Variants in SH2D4A observed in about 807,000 individuals in gnomAD.
The protein encoded by SH2D4A is SH2 domain containing 4A, also known as SH2 domain-containing protein 4A.
SH2D4A carries 70 observed loss-of-function variants against 64.7 expected under a neutral mutation model. The observed-to-expected ratio is 1.08, with a 90% CI of 0.89 to 1.32. The LOEUF (loss-of-function observed/expected upper bound fraction) is 1.32, where lower values mean the gene tolerates loss of function less well. Ranked by LOEUF, SH2D4A falls within the 40% of genes most tolerant of loss-of-function variation. The pLI, the probability that SH2D4A is intolerant of heterozygous loss-of-function variation, is 0.00. For synonymous variants in SH2D4A, 268 were observed against 200.7 expected, an observed-to-expected ratio of 1.34 and a Z score of -2.83; for missense variants, 706 against 540.1, an observed-to-expected ratio of 1.31 and a Z score of -3.04.
At chr8:19,366,094 G>T (rs946004965) in intron 7 of SH2D4A, among the ~76,000 whole-genome samples, 5 of 152,106 alleles carry the variant, frequency 3.3e-5, no homozygotes, top group South Asian at 2.1e-4. Context: ...AGAACCATAA[G>T]TTGGTCAATT....
intron 4 of SH2D4A, among the ~76,000 whole-genome samples, chr8:19,341,844 CAAAA>C (rs35856719): frequency 2.4e-5 from 2 of 83,348 alleles, no homozygotes; most frequent in Non-Finnish European, 2.6e-5. Flanking sequence ...CTTGTCTTAA[CAAAA>C]AAAAAAAAAA....
intron 1 of SH2D4A, among the ~76,000 whole-genome samples, chr8:19,315,764 A>G (rs1249459658): frequency 6.6e-6 from 1 of 152,240 alleles, no homozygotes; most frequent in Non-Finnish European, 1.5e-5. Context: ...TTGAATCAGT[A>G]TCAGCAATGA....
chr8:19,321,611 C>G (rs1187013988), intron 2 of SH2D4A, among the ~76,000 whole-genome samples: 1 of 152,226 alleles, frequency 6.6e-6, no homozygotes, highest in African/African-American at 2.4e-5. Context: ...ATCCAAAATA[C>G]AACTTTTCCT....
chr8:19,348,095 G>T (rs577114140), intron 4 of SH2D4A, among the ~76,000 whole-genome samples: 1 of 151,962 alleles, frequency 6.6e-6, no homozygotes, highest in African/African-American at 2.4e-5. Flanking sequence ...TTTTGTGTGC[G>T]TGTGTGTGTG....
At chr8:19,326,737 G>A (rs1480922329) in intron 2 of SH2D4A, among the ~76,000 whole-genome samples, 1 of 152,092 alleles carries the variant, frequency 6.6e-6, no homozygotes. Context: ...GTCTTTTACT[G>A]TGATTGCCCA....
At chr8:19,367,868 G>GAGT (rs2053025930) in intron 7 of SH2D4A, among the ~76,000 whole-genome samples, 1 of 152,108 alleles carries the variant, frequency 6.6e-6, no homozygotes, top group Admixed American at 6.6e-5. Context: ...TTGAGGCCAG[G>GAGT]AGTTTGAGAG....
In SH2D4A at chr8:19,394,556, C is replaced by G; in HGVS notation, c.1279C>G (p.Pro427Ala). The change falls in exon 10 of 10, where the codon CCC (proline) becomes GCC (alanine). Residue 427 changes from proline (P) to alanine (A), a missense_variant. Pro to Ala is a conservative substitution (Grantham distance 27, BLOSUM62 -1). Coordinates refer to ENST00000265807, the MANE Select transcript of SH2D4A (RefSeq NM_022071.4). ...CGTGCCTTCTGATTGACAGGAGGAACCCATCACTTCCCTGGGGAAGGAGCT... is the reference window on the plus strand; with the variant it reads ...CGTGCCTTCTGATTGACAGGAGGAAGCCATCACTTCCCTGGGGAAGGAGCT... ...ADLVEYHKEE[P>A]ITSLGKELLL... is the part of the protein sequence containing the mutation. 1 of 1,604,548 alleles carries G rather than the reference C, an allele frequency of 6.2e-7. No homozygotes were observed. The highest frequency in any genetic ancestry group is 8.5e-7 in the Non-Finnish European group (1 of 1,174,516).
chr8:19,360,222 C>G (rs2052858680), intron 5 of SH2D4A, among the ~76,000 whole-genome samples: 1 of 151,718 alleles, frequency 6.6e-6, no homozygotes, highest in Admixed American at 6.6e-5. Flanking sequence ...ACCTAATTCT[C>G]CTTTTAAAGG....
At position 19,395,891 on chromosome 8, in the gene SH2D4A, G is replaced by A. The variant is rs531178868; in HGVS notation, c.*1249G>A. 3.9e-5 allele frequency: 6 copies of A among 152,196 alleles called. No individual in the cohort carries two copies. The East Asian group carries it at 9.7e-4, about 25-fold the overall frequency. The allele number at this position is 152,196 out of a possible 1,614,324, so 9.4% of individuals were successfully genotyped here. On this transcript the variant is annotated 3_prime_UTR_variant, in exon 10 of 10. Transcript: ENST00000265807. ...AGTCGTTTATGTAATTACATAACCTGACACACAAGATCGACCCATTCACTG... is the reference window on the plus strand; with the variant it reads ...AGTCGTTTATGTAATTACATAACCTAACACACAAGATCGACCCATTCACTG...
rs551445515 is a variant in SH2D4A, at chr8:19,383,023, G to T, written c.1048+9363G>T. ...ATCTTTGTCTTTTGACAATTTGATTGTATTATGTGTCAGTGTGGGTCTCTT... is the reference window on the plus strand; with the variant it reads ...ATCTTTGTCTTTTGACAATTTGATTTTATTATGTGTCAGTGTGGGTCTCTT... On this transcript the variant is annotated intron_variant, in intron 8 of 9. Coordinates refer to ENST00000265807, the MANE Select transcript of SH2D4A (RefSeq NM_022071.4). Among the ~76,000 whole-genome samples the T allele has an allele frequency of 2.0e-5, 3 of 151,872 alleles. No homozygotes were observed. In the South Asian group the frequency reaches 6.2e-4, roughly 32 times the overall value.
intron 8 of SH2D4A, among the ~76,000 whole-genome samples, chr8:19,385,482 T>C (rs537164978): frequency 7.4e-4 from 112 of 152,348 alleles, no homozygotes; most frequent in African/African-American, 2.6e-3. Flanking sequence ...ATTACAGGCC[T>C]GAGCCACCAC....
intron 8 of SH2D4A, among the ~76,000 whole-genome samples, chr8:19,390,543 T>G (rs189040186): frequency 1.3e-5 from 2 of 152,290 alleles, no homozygotes; most frequent in African/African-American, 4.8e-5. Context: ...GATGGATTCA[T>G]GACAAACTGT....
intron 8 of SH2D4A, among the ~76,000 whole-genome samples, chr8:19,377,808 C>T (rs1296656860): frequency 1.3e-5 from 2 of 152,132 alleles, no homozygotes; most frequent in Non-Finnish European, 2.9e-5. Context: ...CACATATGAT[C>T]ATTTCTTCAG....
At chr8:19,329,014 C>G (rs982730040) in intron 2 of SH2D4A, among the ~76,000 whole-genome samples, 2 of 152,304 alleles carry the variant, frequency 1.3e-5, no homozygotes, top group Non-Finnish European at 2.9e-5. Context: ...GTGTGATGGT[C>G]AGCCTATGCC....
chr8:19,367,812 A>T (rs2053024645), intron 7 of SH2D4A, among the ~76,000 whole-genome samples: 1 of 152,118 alleles, frequency 6.6e-6, no homozygotes, highest in African/African-American at 2.4e-5. Context: ...GTGGTGGCTC[A>T]TACCTATAAT....
intron 7 of SH2D4A, 61 bp from the exon 8 acceptor site, chr8:19,373,469 T>A (rs1030045773): frequency 9.6e-6 from 12 of 1,245,906 alleles, no homozygotes; most frequent in African/African-American, 5.1e-5. Flanking sequence ...TATATATGAC[T>A]TTTGAGGGCA....
chr8:19,351,114 T>C (rs1456914541), intron 4 of SH2D4A, among the ~76,000 whole-genome samples: 4 of 152,188 alleles, frequency 2.6e-5, no homozygotes, highest in Non-Finnish European at 4.4e-5. Flanking sequence ...TCTCCTGTTA[T>C]TTTAGAAGCA....
chr8:19,343,639 C>T (rs575206856), intron 4 of SH2D4A, among the ~76,000 whole-genome samples: 58 of 152,304 alleles, frequency 3.8e-4, no homozygotes, highest in Middle Eastern at 3.4e-3. Flanking sequence ...CCGTCTCCTA[C>T]CCAGGGGCTG....
chr8:19,352,020 T>TG (rs1282030849), intron 4 of SH2D4A, among the ~76,000 whole-genome samples: 7 of 152,196 alleles, frequency 4.6e-5, no homozygotes, highest in Middle Eastern at 3.2e-3. Context: ...TGATCTCAGG[T>TG]GATCCGCCTG....
Sources: allele counts gnomAD v4.1 joint callset (sites outside exome capture counted in the v4.1 genomes callset), GRCh38; gene constraint gnomAD v4.1.1; transcripts MANE v1.5; gene names NCBI Gene and HGNC (gene_info 2026-07-23, HGNC 2026-07-21).